MYLK: variants seen among roughly 807,000 people sequenced by gnomAD.
The protein encoded by MYLK is myosin light chain kinase, smooth muscle.
MYLK carries 106 observed loss-of-function variants against 203.4 expected under a neutral mutation model. The ratio of observed to expected loss-of-function variants is 0.52; its 90% CI spans 0.45 to 0.61. The LOEUF is 0.61. Among genes scored for constraint, MYLK ranks in the 20% least tolerant of loss-of-function variants. MYLK has a pLI of 0.00. For synonymous variants in MYLK, 867 were observed against 959.5 expected, an observed-to-expected ratio of 0.90 and a Z score of 1.78; for missense variants, 2,072 against 2,442.3, an observed-to-expected ratio of 0.85 and a Z score of 3.20.
chr3:123,695,513 C>T (rs1047090075), intron 18 of MYLK, among the ~76,000 whole-genome samples: 2 of 152,142 alleles, frequency 1.3e-5, no homozygotes, highest in African/African-American at 4.8e-5. Flanking sequence ...AGGTCACAAA[C>T]AGTTAAATAT....
intron 20 of MYLK, chr3:123,681,842 CAG>C (rs1431437883): frequency 9.4e-6 from 3 of 317,790 alleles, no homozygotes; most frequent in Admixed American, 4.0e-5. Context: ...GTGATGAGAT[CAG>C]AGTTACAATC....
At chr3:123,744,237 T>C (rs2062948453) in intron 5 of MYLK, among the ~76,000 whole-genome samples, 1 of 152,218 alleles carries the variant, frequency 6.6e-6, no homozygotes, top group African/African-American at 2.4e-5. Flanking sequence ...GATTTCAATA[T>C]GCAACTGTTC....
chr3:123,866,266 C>T (rs1385193964), intron 2 of MYLK, among the ~76,000 whole-genome samples: 1 of 152,186 alleles, frequency 6.6e-6, no homozygotes, highest in African/African-American at 2.4e-5. Flanking sequence ...CTACTTATGG[C>T]AGGACCCTGG....
At chr3:123,702,834 A>G (rs865832652) in intron 16 of MYLK, among the ~76,000 whole-genome samples, 1 of 152,204 alleles carries the variant, frequency 6.6e-6, no homozygotes. Context: ...ATTAAAAAAT[A>G]TAATACTGAA....
chr3:123,790,491 C>T (rs875521), intron 4 of MYLK, among the ~76,000 whole-genome samples: 9,201 of 152,124 alleles, frequency 0.06, 1,571 homozygotes, highest in East Asian at 0.55. Context: ...AGCATCTCGT[C>T]GTTTGGAGCT....
chr3:123,863,369 A>G (rs62263664), intron 2 of MYLK, among the ~76,000 whole-genome samples: 2 of 128,036 alleles, frequency 1.6e-5, no homozygotes, highest in Non-Finnish European at 3.3e-5. Flanking sequence ...TAGCCTTGCC[A>G]AAAAAAAAAA....
rs145979918 is a variant in MYLK, at chr3:123,622,585, A to G, written c.5239-2249T>C. The G allele has an allele frequency of 5.3e-5, 8 of 152,374 alleles. No individual in the cohort carries two copies. In the East Asian group the frequency reaches 1.2e-3, roughly 22 times the overall value. 9.4% of individuals were successfully genotyped at this position (152,374 alleles called of 1,614,324 possible). A position where few individuals can be genotyped will look rare whatever the true frequency, so the allele number is the denominator to read the frequency against. The stretch of plus-strand genomic sequence containing the variant: ...TGACTAAAATGAAGCTATCAGAATG[A>G]GGAAACAAAAGAGTTATAGTATTTC... On this transcript the variant is annotated intron_variant, in intron 31 of 33. Transcript: ENST00000360304.
intron 3 of MYLK, among the ~76,000 whole-genome samples, chr3:123,826,102 C>T (rs1218058973): frequency 1.3e-5 from 2 of 152,240 alleles, no homozygotes; most frequent in Non-Finnish European, 2.9e-5. Context: ...CAGGACATTC[C>T]TGGCAGGTAT....
intron 4 of MYLK, among the ~76,000 whole-genome samples, chr3:123,755,252 C>T (rs1358478354): frequency 6.6e-6 from 1 of 152,154 alleles, no homozygotes; most frequent in African/African-American, 2.4e-5. Context: ...AGCATACTGG[C>T]CCCCTGCAGC....
chr3:123,701,543 G>A (rs779689650), intron 16 of MYLK, 34 bp from the exon 17 acceptor site: 2 of 1,607,532 alleles, frequency 1.2e-6, no homozygotes, highest in Non-Finnish European at 1.7e-6. Flanking sequence ...AAGATCAAGA[G>A]GCCCTCTGGG....
chr3:123,614,390 T>C (rs1484423046), intron 33 of MYLK, 41 bp from the exon 34 acceptor site: 12 of 1,613,204 alleles, frequency 7.4e-6, no homozygotes, highest in African/African-American at 1.3e-5. Flanking sequence ...GGAACTGTTA[T>C]TCAAAATTTC....
chr3:123,735,252 C>T (rs1576786252), intron 9 of MYLK, 146 bp downstream of exon 9: 1 of 1,136,520 alleles, frequency 8.8e-7, no homozygotes, highest in Non-Finnish European at 1.3e-6. Flanking sequence ...GAGAACAAGA[C>T]AAAACACCCA....
Position 123,613,686 on chromosome 3 carries a change from G to A in MYLK, c.*419C>T, listed in dbSNP as rs115932105. Reference sequence around the variant, plus strand: ...CCCAGTTCTCTAGAGTCAGGGGGTGGGGAGAGAGAGGCCTCCCATCCCCAG... The same window carrying A: ...CCCAGTTCTCTAGAGTCAGGGGGTGAGGAGAGAGAGGCCTCCCATCCCCAG... On this transcript the variant is annotated 3_prime_UTR_variant, in exon 34 of 34. Coordinates refer to ENST00000360304, the MANE Select transcript of MYLK (RefSeq NM_053025.4). 3,090 of 228,440 alleles carry A rather than the reference G, an allele frequency of 0.014. 91 individuals are homozygous for A. Among genetic ancestry groups the A allele is most frequent in the African/African-American group, 0.064 (2,742 of 42,606 alleles). The allele number at this position is 228,440 out of a possible 1,614,324, so 14.2% of individuals were successfully genotyped here.
At chr3:123,760,455 G>A (rs2063499297) in intron 4 of MYLK, among the ~76,000 whole-genome samples, 1 of 152,230 alleles carries the variant, frequency 6.6e-6, no homozygotes, top group Non-Finnish European at 1.5e-5. Flanking sequence ...TGGGATTACA[G>A]GCATGAGCCA....
At chr3:123,790,557 C>A (rs945650768) in intron 4 of MYLK, among the ~76,000 whole-genome samples, 4 of 152,096 alleles carry the variant, frequency 2.6e-5, no homozygotes, top group African/African-American at 4.8e-5. Context: ...CTTAATGTCA[C>A]CCAAGTCACT....
intron 19 of MYLK, among the ~76,000 whole-genome samples, chr3:123,687,587 TCTTC>T (rs761614652): frequency 2.0e-3 from 297 of 148,660 alleles, no homozygotes; most frequent in East Asian, 3.7e-3. Flanking sequence ...TTCCTTCCTT[TCTTC>T]CTTCCTTCCT....
intron 20 of MYLK, among the ~76,000 whole-genome samples, chr3:123,669,180 T>C (rs943406374): frequency 1.3e-5 from 2 of 152,256 alleles, no homozygotes; most frequent in African/African-American, 4.8e-5. Context: ...ATCACCGAGC[T>C]GATGGCTGCC....
chr3:123,774,381 C>T (rs1430906846), intron 4 of MYLK, among the ~76,000 whole-genome samples: 1 of 152,016 alleles, frequency 6.6e-6, no homozygotes, highest in Non-Finnish European at 1.5e-5. Flanking sequence ...CAAGCATGGA[C>T]GGGGTTGGGC....
At chr3:123,812,704 G>C (rs996284110) in intron 3 of MYLK, among the ~76,000 whole-genome samples, 3 of 152,130 alleles carry the variant, frequency 2.0e-5, no homozygotes, top group African/African-American at 7.2e-5. Flanking sequence ...CCTGATGCAG[G>C]GCCAACTGTT....
Sources: allele counts gnomAD v4.1 joint callset (sites outside exome capture counted in the v4.1 genomes callset), GRCh38; gene constraint gnomAD v4.1.1; transcripts MANE v1.5; gene names NCBI Gene and HGNC (gene_info 2026-07-23, HGNC 2026-07-21).